Variants in CCDC13 observed in about 807,000 individuals in gnomAD.
CCDC13 encodes coiled-coil domain-containing protein 13.
CCDC13 carries 70 observed loss-of-function variants against 87.3 expected under a neutral mutation model. That is an observed-to-expected ratio of 0.80 (90% confidence interval 0.66 to 0.98). The LOEUF (loss-of-function observed/expected upper bound fraction) is 0.98, where lower values mean the gene tolerates loss of function less well. Ranked by LOEUF, CCDC13 falls within the 50% of genes least tolerant of loss-of-function variation. The pLI, the probability that CCDC13 is intolerant of heterozygous loss-of-function variation, is 0.00. For synonymous variants in CCDC13, 317 were observed against 360.3 expected (o/e 0.88, Z 1.36); for missense variants, 842 against 892.0 (o/e 0.94, Z 0.71).
chr3:42,709,278 A>G, intron 15 of CCDC13, 139 bp from the exon 16 acceptor site: 2 of 829,046 alleles, frequency 2.4e-6, no homozygotes, highest in Middle Eastern at 3.4e-4. Flanking sequence ...CCCTCCTCTC[A>G]CTGACTCTTG....
At chr3:42,714,235 G>A (rs1698379818) in intron 13 of CCDC13, 1 of 152,138 alleles carries the variant, frequency 6.6e-6, no homozygotes, top group African/African-American at 2.4e-5. Flanking sequence ...GATAATCCAG[G>A]ATAATCTTTC....
In CCDC13 at chr3:42,726,834, G is replaced by A. The variant is rs544538383; in HGVS notation, c.1718+3633C>T. 2.8e-4 allele frequency among the ~76,000 whole-genome samples: 42 copies of A among 151,798 alleles called. No homozygotes were observed. The South Asian group carries it at 7.9e-3, about 29-fold the overall frequency. Reference sequence around the variant, plus strand: ...TGTGTGTATACGTATATGTATATACGTATCACAGTGAAATTTCAAAGCTTC... The same window carrying A: ...TGTGTGTATACGTATATGTATATACATATCACAGTGAAATTTCAAAGCTTC... On this transcript the variant is annotated intron_variant, in intron 13 of 15. Transcript: ENST00000310232.
intron 13 of CCDC13, among the ~76,000 whole-genome samples, chr3:42,723,272 TG>T (rs1393064804): frequency 6.6e-6 from 1 of 152,176 alleles, no homozygotes; most frequent in Non-Finnish European, 1.5e-5. Flanking sequence ...GCTTCCACTC[TG>T]GCTTCCTCTG....
chr3:42,734,215 C>T lies in CCDC13; in HGVS notation c.1372-606G>A, dbSNP rs150371212. Among the ~76,000 whole-genome samples the T allele has an allele frequency of 2.6e-3, 395 of 152,296 alleles. 1 individual carries two copies. The highest frequency in any genetic ancestry group is 9.0e-3 in the African/African-American group (373 of 41,576). ...CCAGAGTGGACAACCGGTGTAAGCC[C>T]CTAACAACCTGGCTTGTCCCCCAGC... On this transcript the variant is annotated intron_variant, in intron 10 of 15. Coordinates refer to ENST00000310232, the MANE Select transcript of CCDC13 (RefSeq NM_144719.4).
intron 13 of CCDC13, chr3:42,718,897 G>A (rs1276463711): frequency 1.3e-5 from 2 of 152,162 alleles, no homozygotes; most frequent in Non-Finnish European, 2.9e-5. Context: ...GATTGGGTTA[G>A]AGGCCCAACT....
At chr3:42,705,201 G>A (rs899642733), downstream of CCDC13, among the ~76,000 whole-genome samples, 5 of 152,180 alleles carry the variant, frequency 3.3e-5, no homozygotes. Flanking sequence ...TGGGCAGGCC[G>A]ACTTCTTTGT....
At chr3:42,719,077 C>T (rs1698497479) in intron 13 of CCDC13, 1 of 152,210 alleles carries the variant, frequency 6.6e-6, no homozygotes, top group African/African-American at 2.4e-5. Context: ...TCGGTAAAGT[C>T]CCTTTCAGCT....
At chr3:42,748,755 A>G (rs191846404) in intron 5 of CCDC13, among the ~76,000 whole-genome samples, 2 of 152,096 alleles carry the variant, frequency 1.3e-5, no homozygotes, top group African/African-American at 4.8e-5. Flanking sequence ...GAGCACCACC[A>G]TCAGGCTAAA....
chr3:42,747,370 C>T lies in CCDC13; in HGVS notation c.607G>A (p.Glu203Lys), dbSNP rs1455708965. 1.2e-6 allele frequency: 2 copies of T among 1,611,430 alleles called. No homozygotes were observed. Among genetic ancestry groups the T allele is most frequent in the East Asian group, 2.2e-5 (1 of 44,876 alleles). Residue 203 changes from glutamate (E) to lysine (K), a missense_variant, in exon 6 of 16, where the codon GAG (glutamate) becomes AAG (lysine). Coordinates refer to ENST00000310232, the MANE Select transcript of CCDC13 (RefSeq NM_144719.4). ...TGCAGGGCCTTCACCTCTGGGGTCTCCAGCTGGTTGGGAAGGACAGGAGAG... is the reference window on the plus strand; with the variant it reads ...TGCAGGGCCTTCACCTCTGGGGTCTTCAGCTGGTTGGGAAGGACAGGAGAG... ...RAQMGDRALLETPEVKALQDR... is the reference protein window; with the variant it reads ...RAQMGDRALLKTPEVKALQDR...
intron 3 of CCDC13, among the ~76,000 whole-genome samples, chr3:42,753,648 C>G (rs1459044498): frequency 6.6e-6 from 1 of 152,084 alleles, no homozygotes; most frequent in Non-Finnish European, 1.5e-5. Context: ...GGAGATGATG[C>G]TATTTTAGAT....
rs899645169 is a variant in CCDC13, at chr3:42,733,338, G to A, written c.1511+132C>T. The A allele has an allele frequency of 3.6e-5, 41 of 1,129,344 alleles. No individual in the cohort carries two copies. In the Admixed American group the frequency reaches 4.8e-4, roughly 13 times the overall value. The allele number at this position is 1,129,344 out of a possible 1,614,324, so 70.0% of individuals were successfully genotyped here. On this transcript the variant is annotated intron_variant, in intron 11 of 15. Coordinates refer to ENST00000310232, the MANE Select transcript of CCDC13 (RefSeq NM_144719.4). ...AGCTAATGTCATAGGAGAGGCCCACGTATTGGAAGAACAACAGCATAGTCA... is the reference window on the plus strand; with the variant it reads ...AGCTAATGTCATAGGAGAGGCCCACATATTGGAAGAACAACAGCATAGTCA...
Position 42,758,229 on chromosome 3 carries a change from G to T in CCDC13, c.117C>A (p.Ser39Arg). 6.2e-7 allele frequency: 1 copy of T among 1,613,986 alleles called. No individual in the cohort carries two copies. The highest frequency in any genetic ancestry group is 8.5e-7 in the Non-Finnish European group (1 of 1,180,028). ...QMEKKREKEL[S>R]LKSRADDQEE... Reference sequence around the variant, plus strand: ...CTTGGTCGTCAGCTCTGCTTTTGAGGCTCAGTTCTTTTTCCCTCTTTTTCT... The same window carrying T: ...CTTGGTCGTCAGCTCTGCTTTTGAGTCTCAGTTCTTTTTCCCTCTTTTTCT... The change falls in exon 2 of 16, where the codon AGC (serine) becomes AGA (arginine). Residue 39 changes from serine (S) to arginine (R), a missense_variant. Ser to Arg is a moderately radical substitution (Grantham distance 110, BLOSUM62 -1). Coordinates refer to ENST00000310232, the MANE Select transcript of CCDC13 (RefSeq NM_144719.4).
Position 42,706,222 on chromosome 3 carries a change from G to T in CCDC13, c.*2758C>A, listed in dbSNP as rs1436322766. ...TGGAATGGTGACCTGTGACCAGTCT[G>T]TCTCTCTCCTCAGCTGATCTGAGAG... On this transcript the variant is annotated 3_prime_UTR_variant, in exon 16 of 16. Coordinates refer to ENST00000310232, the MANE Select transcript of CCDC13 (RefSeq NM_144719.4). 2.0e-5 allele frequency: 3 copies of T among 152,314 alleles called. No individual in the cohort carries two copies. The highest frequency in any genetic ancestry group is 2.9e-5 in the Non-Finnish European group (2 of 68,088). 9.4% of individuals were successfully genotyped at this position (152,314 alleles called of 1,614,324 possible).
intron 13 of CCDC13, among the ~76,000 whole-genome samples, chr3:42,720,194 A>AT (rs1698528282): frequency 6.6e-6 from 1 of 152,182 alleles, no homozygotes; most frequent in Admixed American, 6.5e-5. Flanking sequence ...AAGAAAAGAG[A>AT]TTTTATGTAA....
In CCDC13 at chr3:42,752,634, C is replaced by A; in HGVS notation, c.454G>T (p.Glu152Ter). 6.2e-7 allele frequency: 1 copy of A among 1,614,246 alleles called. No individual in the cohort carries two copies. Among genetic ancestry groups the A allele is most frequent in the Non-Finnish European group, 8.5e-7 (1 of 1,180,044 alleles). The part of the protein sequence containing the change: ...KKNRLLMAES[E>*]GAKTRVKQLT... The stretch of plus-strand genomic sequence containing the variant: ...TGCTTCACCCTGGTTTTTGCACCCT[C>A]TGATTCTGCCATCAACAGCCGGTTC... Residue 152 changes from glutamate (E) to a stop codon, truncating the protein, a stop_gained, in exon 4 of 16, where the codon GAG (glutamate) becomes TAG (stop). Transcript: ENST00000310232. LOFTEE classifies it high-confidence loss of function.
Position 42,705,890 on chromosome 3 carries a change from C to T in CCDC13, c.*3090G>A, listed in dbSNP as rs1233541029. On this transcript the variant is annotated 3_prime_UTR_variant, in exon 16 of 16. Transcript: ENST00000310232. ...GGCTCTCCCCACCTTCCCTTTACTC[C>T]TCCTTGCTCCTTTGCCTCAGGGAGA... 6.6e-6 allele frequency among the ~76,000 whole-genome samples: 1 copy of T among 152,172 alleles called. No homozygotes were observed. The highest frequency in any genetic ancestry group is 1.5e-5 in the Non-Finnish European group (1 of 68,022).
chr3:42,713,414 A>G (rs1698359934), intron 13 of CCDC13, 98 bp from the exon 14 acceptor site: 2 of 1,165,616 alleles, frequency 1.7e-6, no homozygotes, highest in Admixed American at 2.2e-5. Context: ...CACATCTTAC[A>G]TTGGTAGTGA....
intron 5 of CCDC13, chr3:42,749,934 T>C (rs1205618137): frequency 2.2e-6 from 1 of 456,660 alleles, no homozygotes. Context: ...GGAGTGTGGC[T>C]CGGGCTTGGG....
At chr3:42,753,222 A>G (rs1444439614) in intron 3 of CCDC13, among the ~76,000 whole-genome samples, 1 of 152,220 alleles carries the variant, frequency 6.6e-6, no homozygotes, top group Non-Finnish European at 1.5e-5. Flanking sequence ...CCCTCTCCAC[A>G]GGAAGAACAT....
Sources: gnomAD v4.1 joint callset for allele counts (sites outside exome capture counted in the v4.1 genomes callset) on GRCh38, gnomAD v4.1.1 for gene constraint, MANE v1.5 for transcripts, NCBI Gene and HGNC (gene_info 2026-07-23, HGNC 2026-07-21) for gene names.